MEIS1: variants seen among roughly 807,000 people sequenced by gnomAD.
MEIS1 encodes the protein Meis homeobox 1.
Under a neutral mutation model 50.8 loss-of-function variants are expected in MEIS1, and 5 were observed. The observed-to-expected ratio is 0.10, with a 90% confidence interval of 0.05 to 0.21. MEIS1 has a LOEUF of 0.21. MEIS1 is among the 10% of genes least tolerant of loss of function. The pLI is 1.00. For missense variants in MEIS1, 318 were observed against 517.3 expected (o/e 0.61, Z 3.74); for synonymous variants, 176 against 179.3 (o/e 0.98, Z 0.15).
chr2:66,448,696 T>G (rs1185273776), intron 6 of MEIS1, among the ~76,000 whole-genome samples: 3 of 152,132 alleles, frequency 2.0e-5, no homozygotes, highest in Non-Finnish European at 4.4e-5. Context: ...AAATGATCAT[T>G]TAATCATCAA....
chr2:66,522,361 G>C (rs1429859815), intron 8 of MEIS1, among the ~76,000 whole-genome samples: 1 of 152,190 alleles, frequency 6.6e-6, no homozygotes, highest in Non-Finnish European at 1.5e-5. Flanking sequence ...TTACTTTTTA[G>C]ATAAGCCCCT....
At chr2:66,436,135 G>T (rs753104782) in intron 1 of MEIS1, among the ~76,000 whole-genome samples, 10 of 151,296 alleles carry the variant, frequency 6.6e-5, no homozygotes, top group East Asian at 1.9e-4. Flanking sequence ...AATCATCTGG[G>T]TTTTTTTTTA....
intron 7 of MEIS1, among the ~76,000 whole-genome samples, chr2:66,468,555 C>T (rs1429606139): frequency 1.3e-5 from 2 of 152,198 alleles, no homozygotes; most frequent in Non-Finnish European, 2.9e-5. Context: ...GGAGACTTGT[C>T]CAAGGCCACA....
chr2:66,543,577 T>C (rs559035590), intron 8 of MEIS1, among the ~76,000 whole-genome samples: 2 of 152,282 alleles, frequency 1.3e-5, no homozygotes, highest in East Asian at 3.9e-4. Context: ...TACCCATACA[T>C]AATCACTGTT....
chr2:66,477,538 C>T (rs1271491193), intron 7 of MEIS1, among the ~76,000 whole-genome samples: 1 of 152,136 alleles, frequency 6.6e-6, no homozygotes, highest in African/African-American at 2.4e-5. Flanking sequence ...TTGCAGAAAT[C>T]CTGCTAATTC....
At chr2:66,441,805 C>T (rs1439079479) in intron 5 of MEIS1, 1 of 247,308 alleles carries the variant, frequency 4.0e-6, no homozygotes, top group East Asian at 1.2e-4. Flanking sequence ...CTCTTCTCAT[C>T]CTCTTCCTTC....
At chr2:66,548,134 G>C (rs1337740562) in intron 9 of MEIS1, 115 bp downstream of exon 9, 10 of 959,354 alleles carry the variant, frequency 1.0e-5, no homozygotes, top group Admixed American at 5.1e-5. Context: ...CTGGTGGCTT[G>C]TTGATTCAAA....
chr2:66,491,119 T>G (rs1483998339), intron 7 of MEIS1, among the ~76,000 whole-genome samples: 3 of 151,862 alleles, frequency 2.0e-5, no homozygotes, highest in African/African-American at 7.3e-5. Context: ...CCTAGTCCAA[T>G]GCAACTACAA....
At chr2:66,449,011 C>T (rs1015430890) in intron 6 of MEIS1, among the ~76,000 whole-genome samples, 4 of 151,914 alleles carry the variant, frequency 2.6e-5, no homozygotes, top group African/African-American at 9.7e-5. Flanking sequence ...TAATTTATGA[C>T]ATAATCGAAA....
intron 8 of MEIS1, among the ~76,000 whole-genome samples, chr2:66,514,833 G>A (rs1022493384): frequency 1.3e-5 from 2 of 152,090 alleles, no homozygotes; most frequent in South Asian, 2.1e-4. Context: ...AGGAACACCC[G>A]TTACCCTTGT....
rs368911277 is a variant in MEIS1 at position 66,467,374 on chromosome 2, G to A, written c.742+3154G>A. On this transcript the variant is annotated intron_variant, in intron 7 of 12. Transcript: ENST00000272369. ...CAGTTTAGGAGGCCGAGGTAGGGGG[G>A]GGTCACAAGGTCAGGAGTTCAAGAC... 4.6e-5 allele frequency among the ~76,000 whole-genome samples: 7 copies of A among 152,086 alleles called. 1 individual carries two copies. The highest frequency in any genetic ancestry group is 1.7e-4 in the African/African-American group (7 of 41,486).
intron 6 of MEIS1, among the ~76,000 whole-genome samples, chr2:66,456,290 G>T (rs1004507750): frequency 6.8e-6 from 1 of 147,592 alleles, no homozygotes; most frequent in Non-Finnish European, 1.5e-5. Context: ...CACCAGAGTC[G>T]CTTAGCTGTT....
In MEIS1 at chr2:66,571,231, T is replaced by C. The variant is rs1253312836; in HGVS notation, c.*38-15T>C. 1.9e-6 allele frequency: 3 copies of C among 1,558,456 alleles called. No individual in the cohort carries two copies. The South Asian group carries it at 3.6e-5, about 19-fold the overall frequency. On this transcript the variant is annotated splice_polypyrimidine_tract_variant and intron_variant, in intron 12 of 12. Coordinates refer to ENST00000272369, the MANE Select transcript of MEIS1 (RefSeq NM_002398.3). ...AACATTTTCTTTTTGTTTCTTTCTT[T>C]TGAATTTCTTACAGGGCTGCAAAGT...
chr2:66,453,397 TA>T (rs745502658), intron 6 of MEIS1, among the ~76,000 whole-genome samples: 2 of 152,008 alleles, frequency 1.3e-5, no homozygotes, highest in Admixed American at 6.6e-5. Flanking sequence ...CTCAGCATCT[TA>T]CTTCTGGAAT....
At chr2:66,566,704 A>G (rs1675356310) in intron 9 of MEIS1, among the ~76,000 whole-genome samples, 1 of 152,004 alleles carries the variant, frequency 6.6e-6, no homozygotes, top group Non-Finnish European at 1.5e-5. Flanking sequence ...TAAGTGCCTT[A>G]ATAAGATGTT....
chr2:66,446,457 T>G (rs968717446), intron 6 of MEIS1, among the ~76,000 whole-genome samples: 8 of 152,158 alleles, frequency 5.3e-5, no homozygotes, highest in Admixed American at 2.0e-4. Flanking sequence ...TGGCCACGCC[T>G]GCCGGTAGCG....
chr2:66,530,066 A>G (rs969013424), intron 8 of MEIS1, among the ~76,000 whole-genome samples: 2 of 152,144 alleles, frequency 1.3e-5, no homozygotes, highest in African/African-American at 2.4e-5. Flanking sequence ...GAAGGCTGCT[A>G]TTCTCCTCCT....
At chr2:66,443,069 A>G (rs1269941446) in intron 6 of MEIS1, 21 bp downstream of exon 6, 1 of 1,561,856 alleles carries the variant, frequency 6.4e-7, no homozygotes, top group African/African-American at 1.4e-5. Context: ...TTCAATTTCA[A>G]CATCCCTGGG....
At chr2:66,548,628 A>G (rs111627935) in intron 9 of MEIS1, among the ~76,000 whole-genome samples, 9 of 152,342 alleles carry the variant, frequency 5.9e-5, no homozygotes, top group Admixed American at 4.6e-4. Context: ...AGTACCAGCC[A>G]ACAATATTCT....
Sources: allele counts gnomAD v4.1 joint callset (sites outside exome capture counted in the v4.1 genomes callset), GRCh38; gene constraint gnomAD v4.1.1; transcripts MANE v1.5; gene names NCBI Gene and HGNC (gene_info 2026-07-23, HGNC 2026-07-21).